Variants in AKAP6 observed in about 807,000 individuals in gnomAD.
AKAP6 encodes A-kinase anchor protein 6.
Under a neutral mutation model 188.5 loss-of-function variants are expected in AKAP6, and 58 were observed. That is an observed-to-expected ratio of 0.31 (90% CI 0.25 to 0.38). AKAP6 has a LOEUF of 0.38. Among genes scored for constraint, AKAP6 ranks in the 10% least tolerant of loss-of-function variants. AKAP6 has a pLI of 1.00. For missense variants in AKAP6, 2,710 were observed against 2,740.0 expected (o/e 0.99, Z 0.24); for synonymous variants, 989 against 998.6 (o/e 0.99, Z 0.18).
intron 4 of AKAP6, among the ~76,000 whole-genome samples, chr14:32,556,335 T>C (rs1270883620): frequency 1.3e-5 from 2 of 152,124 alleles, no homozygotes; most frequent in African/African-American, 4.8e-5. Context: ...GAGTTCGTTA[T>C]ATATTCTTTT....
chr14:32,690,625 C>T (rs1457252819), intron 8 of AKAP6, among the ~76,000 whole-genome samples: 1 of 152,010 alleles, frequency 6.6e-6, no homozygotes, highest in African/African-American at 2.4e-5. Context: ...AGAGCAATTA[C>T]CCATAGTGCT....
intron 5 of AKAP6, among the ~76,000 whole-genome samples, chr14:32,599,128 A>G (rs1400581802): frequency 6.6e-6 from 1 of 152,200 alleles, no homozygotes; most frequent in Non-Finnish European, 1.5e-5. Flanking sequence ...ATTTTATAGA[A>G]CACTGCTACT....
Position 32,366,656 on chromosome 14 carries a change from A to C in AKAP6, c.-35+37248A>C, listed in dbSNP as rs187479087. 9.7e-4 allele frequency among the ~76,000 whole-genome samples: 148 copies of C among 152,206 alleles called. 2 individuals carry two copies. The highest frequency in any genetic ancestry group is 9.5e-3 in the Admixed American group (146 of 15,292). On this transcript the variant is annotated intron_variant, in intron 1 of 13. Coordinates refer to ENST00000280979, the MANE Select transcript of AKAP6 (RefSeq NM_004274.5). ...TGCTTCTTTTCTAACTAGAGAGTGA[A>C]ATCTTTCTCTCTTTATATTTGGATT...
Position 32,782,612 on chromosome 14 carries a change from A to G in AKAP6, c.3588+8719A>G, listed in dbSNP as rs538155505. 3.3e-5 allele frequency among the ~76,000 whole-genome samples: 5 copies of G among 150,144 alleles called. No individual in the cohort carries two copies. In the East Asian group the frequency reaches 9.6e-4, roughly 29 times the overall value. Reference sequence around the variant, plus strand: ...CAATTATATTCTAGATATTACTGATAAATAGTCATAAATTGAAATTTTTAA... The same window carrying G: ...CAATTATATTCTAGATATTACTGATGAATAGTCATAAATTGAAATTTTTAA... On this transcript the variant is annotated intron_variant, in intron 12 of 13. Transcript: ENST00000280979.
chr14:32,370,278 G>A lies in AKAP6; in HGVS notation c.-35+40870G>A, dbSNP rs534730079. Among the ~76,000 whole-genome samples, 365 of 152,330 alleles carry A rather than the reference G, an allele frequency of 2.4e-3. 1 individual carries two copies. Among genetic ancestry groups the A allele is most frequent in the African/African-American group, 8.4e-3 (349 of 41,590 alleles). ...AAGCTTAGTGGTTTCCCTAAGGGGA[G>A]TAGCATCACCTTCACACAGAAGGGA... On this transcript the variant is annotated intron_variant, in intron 1 of 13. Transcript: ENST00000280979.
intron 1 of AKAP6, among the ~76,000 whole-genome samples, chr14:32,344,405 G>A (rs1335340835): frequency 6.6e-6 from 1 of 152,222 alleles, no homozygotes; most frequent in Non-Finnish European, 1.5e-5. Flanking sequence ...TGGGGAGTCA[G>A]AGAAATTATA....
chr14:32,646,308 C>T (rs1337141224), intron 7 of AKAP6, among the ~76,000 whole-genome samples: 1 of 146,676 alleles, frequency 6.8e-6, no homozygotes, highest in African/African-American at 2.6e-5. Context: ...TATATAGATT[C>T]TCACAAACCC....
At chr14:32,757,841 C>T (rs1039481545) in intron 11 of AKAP6, among the ~76,000 whole-genome samples, 1 of 152,084 alleles carries the variant, frequency 6.6e-6, no homozygotes, top group African/African-American at 2.4e-5. Flanking sequence ...TGGGTGTTTT[C>T]TCGTGAAGAG....
Position 32,822,062 on chromosome 14 carries a change from G to T in AKAP6, c.4249G>T (p.Gly1417Trp). The change falls in exon 13 of 14, where the codon GGG (glycine) becomes TGG (tryptophan). Residue 1417 changes from glycine (G) to tryptophan (W), a missense_variant. By Grantham distance (184) the Gly-to-Trp change is radical. This residue lies in a region of AKAP6 where 2,473 missense variants were observed against 2,426.1 expected (regional missense o/e 1.02). Coordinates refer to ENST00000280979, the MANE Select transcript of AKAP6 (RefSeq NM_004274.5). The stretch of plus-strand genomic sequence containing the variant: ...GTTAAAGCAAAAATTTACAGATGAG[G>T]GGGAAAGCATTAAGCTTCCAAATAG... ...NVLKQKFTDE[G>W]ESIKLPNSSQ... 6.2e-7 allele frequency: 1 copy of T among 1,613,904 alleles called. No individual in the cohort carries two copies. The highest frequency in any genetic ancestry group is 8.5e-7 in the Non-Finnish European group (1 of 1,179,938).
At chr14:32,769,110 C>T (rs1175785524) in intron 11 of AKAP6, among the ~76,000 whole-genome samples, 7 of 125,718 alleles carry the variant, frequency 5.6e-5, no homozygotes, top group Admixed American at 1.0e-4. Flanking sequence ...TGCAATGGCA[C>T]GATCTCGGCC....
At chr14:32,538,817 C>A (rs576430026) in intron 3 of AKAP6, among the ~76,000 whole-genome samples, 16 of 152,084 alleles carry the variant, frequency 1.1e-4, no homozygotes, top group Admixed American at 9.2e-4. Flanking sequence ...TGTAACAAAC[C>A]TGCACATCCT....
intron 7 of AKAP6, among the ~76,000 whole-genome samples, chr14:32,618,258 A>G (rs1320670396): frequency 6.6e-6 from 1 of 152,192 alleles, no homozygotes; most frequent in Non-Finnish European, 1.5e-5. Context: ...TGAATTGTAT[A>G]GTGGTGAAAC....
chr14:32,643,384 T>C (rs1887845586), intron 7 of AKAP6, among the ~76,000 whole-genome samples: 1 of 152,010 alleles, frequency 6.6e-6, no homozygotes, highest in Non-Finnish European at 1.5e-5. Flanking sequence ...CTCGGCTCAC[T>C]GCAACCTCTG....
chr14:32,798,319 T>C (rs561634677), intron 12 of AKAP6, among the ~76,000 whole-genome samples: 6 of 152,290 alleles, frequency 3.9e-5, no homozygotes, highest in African/African-American at 1.4e-4. Flanking sequence ...GTTCACCCAC[T>C]GTGGAAAGCA....
rs1555320080 is a variant in AKAP6 at position 32,351,571 on chromosome 14, A to AAC, written c.-35+22164_-35+22165insCA. ...GAGCAAGACTTCATCTCAAAAAAAA[A>AAC]AAAAACAAAAACATTATTACCTGCT... On this transcript the variant is annotated intron_variant, in intron 1 of 13. Coordinates refer to ENST00000280979, the MANE Select transcript of AKAP6 (RefSeq NM_004274.5). 1.8e-4 allele frequency among the ~76,000 whole-genome samples: 27 copies of AAC among 149,684 alleles called. No individual in the cohort carries two copies. The South Asian group carries it at 2.9e-3, about 16-fold the overall frequency.
At chr14:32,543,650 T>C (rs183523542) in intron 3 of AKAP6, among the ~76,000 whole-genome samples, 4 of 152,334 alleles carry the variant, frequency 2.6e-5, no homozygotes, top group African/African-American at 9.6e-5. Flanking sequence ...TCTAAAGGAC[T>C]TTAAACAAAG....
chr14:32,634,463 G>C (rs1247295293), intron 7 of AKAP6, among the ~76,000 whole-genome samples: 4 of 151,912 alleles, frequency 2.6e-5, no homozygotes, highest in Non-Finnish European at 5.9e-5. Flanking sequence ...TTTTTTGATA[G>C]TGTCTTTTAC....
At chr14:32,488,994 A>G (rs1462404318) in intron 2 of AKAP6, among the ~76,000 whole-genome samples, 1 of 152,170 alleles carries the variant, frequency 6.6e-6, no homozygotes, top group African/African-American at 2.4e-5. Context: ...TTATGTCTTT[A>G]TAGCTTATTT....
chr14:32,771,512 TA>T (rs1382370938), intron 11 of AKAP6, among the ~76,000 whole-genome samples: 1 of 152,174 alleles, frequency 6.6e-6, no homozygotes, highest in Non-Finnish European at 1.5e-5. Flanking sequence ...TCTAGATACT[TA>T]CAAAAAAATT....
Sources: allele counts gnomAD v4.1 joint callset (sites outside exome capture counted in the v4.1 genomes callset), GRCh38; gene constraint gnomAD v4.1.1; regional missense constraint gnomAD v4.1.1; transcripts MANE v1.5; gene names NCBI Gene and HGNC (gene_info 2026-07-23, HGNC 2026-07-21).